The following CCDC171 variants were observed in gnomAD, a reference collection of about 807,000 sequenced individuals.
CCDC171 encodes the protein coiled-coil domain containing 171, also known as coiled-coil domain-containing protein 171.
Under a neutral mutation model 168.2 loss-of-function variants are expected in CCDC171, and 177 were observed. The ratio of observed to expected loss-of-function variants is 1.05; its 90% CI spans 0.93 to 1.19. The LOEUF (loss-of-function observed/expected upper bound fraction) is 1.19, where lower values mean the gene tolerates loss of function less well. Ranked by LOEUF, CCDC171 falls within the 50% of genes most tolerant of loss-of-function variation. The probability of loss-of-function intolerance (pLI) is 0.00; values close to 1 mark genes in which losing one functional copy is unlikely to be tolerated. For missense variants in CCDC171, 1,991 were observed against 1,539.0 expected (o/e 1.29, Z -4.91); for synonymous variants, 687 against 540.8 (o/e 1.27, Z -3.75).
At chr9:15,911,040 T>C (rs1823554162) in intron 24 of CCDC171, among the ~76,000 whole-genome samples, 1 of 152,230 alleles carries the variant, frequency 6.6e-6, no homozygotes, top group Non-Finnish European at 1.5e-5. Context: ...GCATGATTTA[T>C]AATCCTTTGG....
At chr9:15,576,242 G>C (rs1223993232) in intron 3 of CCDC171, among the ~76,000 whole-genome samples, 3 of 151,728 alleles carry the variant, frequency 2.0e-5, no homozygotes, top group African/African-American at 7.3e-5. Context: ...TGCATGCAGT[G>C]ATGTGATCAT....
chr9:15,673,365 C>G (rs898126504), intron 9 of CCDC171, among the ~76,000 whole-genome samples: 2 of 152,144 alleles, frequency 1.3e-5, no homozygotes, highest in Admixed American at 1.3e-4. Flanking sequence ...CGTGATTGCC[C>G]TGGCCAGAAG....
chr9:15,776,450 G>A (rs1463534029), intron 18 of CCDC171, among the ~76,000 whole-genome samples: 2 of 152,150 alleles, frequency 1.3e-5, no homozygotes, highest in African/African-American at 2.4e-5. Flanking sequence ...AGAAGTTGAT[G>A]CATCAATAAC....
At chr9:15,641,367 A>T (rs2046589654) in intron 7 of CCDC171, among the ~76,000 whole-genome samples, 1 of 152,160 alleles carries the variant, frequency 6.6e-6, no homozygotes, top group Admixed American at 6.5e-5. Flanking sequence ...AATTGTTTTA[A>T]GTTCAAATCC....
chr9:15,787,812 A>T (rs571590470), intron 21 of CCDC171, among the ~76,000 whole-genome samples: 3 of 152,162 alleles, frequency 2.0e-5, no homozygotes, highest in African/African-American at 7.2e-5. Context: ...AGTTTGGTAG[A>T]TATGTCCTTG....
At chr9:15,813,467 C>G (rs780297395) in intron 21 of CCDC171, among the ~76,000 whole-genome samples, 3 of 152,100 alleles carry the variant, frequency 2.0e-5, no homozygotes, top group Non-Finnish European at 4.4e-5. Context: ...TGTTTTTTGG[C>G]TATAGCATCT....
intron 21 of CCDC171, among the ~76,000 whole-genome samples, chr9:15,827,872 T>A (rs1314937847): frequency 6.6e-6 from 1 of 152,166 alleles, no homozygotes; most frequent in Non-Finnish European, 1.5e-5. Flanking sequence ...CATGTTAGAA[T>A]TCTCCATACC....
intron 11 of CCDC171, among the ~76,000 whole-genome samples, chr9:15,720,169 A>T (rs914522239): frequency 6.6e-6 from 1 of 152,170 alleles, no homozygotes; most frequent in Non-Finnish European, 1.5e-5. Flanking sequence ...ATATATTAAT[A>T]ACATTTTCTC....
chr9:15,769,955 C>G (rs1363826432), intron 18 of CCDC171, among the ~76,000 whole-genome samples: 5 of 152,102 alleles, frequency 3.3e-5, no homozygotes, highest in Non-Finnish European at 5.9e-5. Flanking sequence ...TCTTTCCTTT[C>G]CAATACAAAT....
chr9:15,992,333 T>G (rs1832228714), intron 3 of CCDC171, among the ~76,000 whole-genome samples: 1 of 152,078 alleles, frequency 6.6e-6, no homozygotes, highest in Non-Finnish European at 1.5e-5. Context: ...AGAAACCACA[T>G]GATTATCTCA....
At chr9:15,937,866 A>G (rs1827282264) in intron 25 of CCDC171, among the ~76,000 whole-genome samples, 1 of 152,066 alleles carries the variant, frequency 6.6e-6, no homozygotes, top group East Asian at 1.9e-4. Flanking sequence ...TGAATCATGT[A>G]TGGACAAGGA....
At chr9:15,743,587 A>G (rs1011525822) in intron 16 of CCDC171, among the ~76,000 whole-genome samples, 1 of 152,124 alleles carries the variant, frequency 6.6e-6, no homozygotes, top group Non-Finnish European at 1.5e-5. Flanking sequence ...ATTTCTTTTT[A>G]TTTCAAATTA....
intron 7 of CCDC171, among the ~76,000 whole-genome samples, chr9:15,627,858 A>G (rs199857759): frequency 4.6e-5 from 7 of 152,130 alleles, no homozygotes; most frequent in Non-Finnish European, 7.4e-5. Flanking sequence ...GCTGAGTTCA[A>G]TTCCTGGATA....
chr9:15,887,847 G>A (rs1439773420), intron 24 of CCDC171: 2 of 151,670 alleles, frequency 1.3e-5, no homozygotes, highest in Admixed American at 1.3e-4. Context: ...TAGAAAACAG[G>A]AATTGCATGT....
chr9:15,721,606 TTCA>T (rs778571911), intron 11 of CCDC171, among the ~76,000 whole-genome samples, 160 bp from the exon 12 acceptor site: 125 of 142,322 alleles, frequency 8.8e-4, no homozygotes, highest in Admixed American at 1.1e-3. Context: ...TAAAATTCTA[TTCA>T]AGAATTTTAT....
In CCDC171 at chr9:15,953,618, G is replaced by A. The variant is rs1346518328; in HGVS notation, c.3754-17991G>A. Among the ~76,000 whole-genome samples the A allele has an allele frequency of 3.3e-5, 5 of 152,050 alleles. No homozygotes were observed. The South Asian group carries it at 6.2e-4, about 19-fold the overall frequency. On this transcript the variant is annotated intron_variant, in intron 25 of 25. Transcript: ENST00000380701. ...GATTTTTGGGTCTATATTCACTGGGGATATTGACCTATAGTTTTCTTTTCT... is the reference window on the plus strand; with the variant it reads ...GATTTTTGGGTCTATATTCACTGGGAATATTGACCTATAGTTTTCTTTTCT...
intron 21 of CCDC171, among the ~76,000 whole-genome samples, chr9:15,821,540 A>G (rs191392455): frequency 0.013 from 1,481 of 117,494 alleles, 415 homozygotes; most frequent in African/African-American, 0.045. Flanking sequence ...TTATACACCA[A>G]TAACAGACAA....
At chr9:15,553,860 T>G (rs548620373) in intron 1 of CCDC171, among the ~76,000 whole-genome samples, 1 of 151,362 alleles carries the variant, frequency 6.6e-6, no homozygotes, top group African/African-American at 2.4e-5. Context: ...ATTATGATAT[T>G]GATCCTAAGA....
chr9:15,677,467 A>G (rs1176652957), intron 9 of CCDC171, among the ~76,000 whole-genome samples: 2 of 152,096 alleles, frequency 1.3e-5, no homozygotes, highest in East Asian at 1.9e-4. Context: ...TGATTATAGT[A>G]GTAATTTAGA....
Sources: gnomAD v4.1 joint callset for allele counts (sites outside exome capture counted in the v4.1 genomes callset) on GRCh38, gnomAD v4.1.1 for gene constraint, MANE v1.5 for transcripts, NCBI Gene and HGNC (gene_info 2026-07-23, HGNC 2026-07-21) for gene names.